Variants in LARP4B observed in about 807,000 individuals in gnomAD.
LARP4B encodes the protein La ribonucleoprotein 4B.
LARP4B carries 12 observed loss-of-function variants against 89.8 expected under a neutral mutation model. That is an observed-to-expected ratio of 0.13 (90% CI 0.09 to 0.22). The LOEUF (loss-of-function observed/expected upper bound fraction) is 0.22, where lower values mean the gene tolerates loss of function less well. LARP4B is among the 10% of genes least tolerant of loss of function. The pLI, the probability that LARP4B is intolerant of heterozygous loss-of-function variation, is 1.00. For missense variants in LARP4B, 757 were observed against 947.7 expected (o/e 0.80, Z 2.64); for synonymous variants, 367 against 363.3 (o/e 1.01, Z -0.12).
At chr10:895,158 C>A (rs1196556098) in intron 1 of LARP4B, among the ~76,000 whole-genome samples, 1 of 151,876 alleles carries the variant, frequency 6.6e-6, no homozygotes, top group Non-Finnish European at 1.5e-5. Flanking sequence ...TCCACTCCAG[C>A]CTGGGCAACA....
chr10:854,404 A>G (rs575385018), intron 5 of LARP4B, among the ~76,000 whole-genome samples: 1 of 152,302 alleles, frequency 6.6e-6, no homozygotes, highest in East Asian at 1.9e-4. Flanking sequence ...TATGAAATGT[A>G]TTTTTTAAAT....
chr10:987,953 G>C, the LARP4B span: 10 of 152,636 alleles, frequency 6.6e-5, no homozygotes, highest in African/African-American at 2.4e-4. Context: ...GCGAGGCCGG[G>C]GTAGGGGCGT....
chr10:934,491 A>T (rs1487008756), upstream of LARP4B, among the ~76,000 whole-genome samples: 2 of 152,128 alleles, frequency 1.3e-5, no homozygotes, highest in Non-Finnish European at 2.9e-5. Context: ...CCCTGTCTCA[A>T]AAAAAGAAAA....
intron 14 of LARP4B, chr10:819,215 C>T (rs1832215754): frequency 6.6e-6 from 1 of 152,206 alleles, no homozygotes; most frequent in African/African-American, 2.4e-5. Flanking sequence ...CACAGCTTTT[C>T]AGAAGATAAG....
chr10:889,715 T>C (rs187007529), intron 1 of LARP4B, among the ~76,000 whole-genome samples: 1 of 152,278 alleles, frequency 6.6e-6, no homozygotes, highest in Non-Finnish European at 1.5e-5. Context: ...TTTGGGAGGC[T>C]GAGGCGGGCG....
intron 5 of LARP4B, among the ~76,000 whole-genome samples, chr10:859,528 A>G (rs748934434): frequency 8.5e-5 from 13 of 152,198 alleles, no homozygotes; most frequent in Non-Finnish European, 1.8e-4. Context: ...ACTCCTGGGT[A>G]TTTACCCAAA....
intron 1 of LARP4B, among the ~76,000 whole-genome samples, chr10:918,676 A>C (rs1836893814): frequency 6.6e-6 from 1 of 151,640 alleles, no homozygotes; most frequent in African/African-American, 2.4e-5. Flanking sequence ...AAACTATAAG[A>C]ATCAGCCATT....
At chr10:845,988 A>G (rs1453652748) in intron 5 of LARP4B, among the ~76,000 whole-genome samples, 1 of 152,214 alleles carries the variant, frequency 6.6e-6, no homozygotes, top group East Asian at 1.9e-4. Context: ...GTGTTATACA[A>G]TGAGCTTAGT....
Position 921,681 on chromosome 10 carries a change from T to C in LARP4B, c.-40+9747A>G, listed in dbSNP as rs532112136. Among the ~76,000 whole-genome samples the C allele has an allele frequency of 3.3e-5, 5 of 152,322 alleles. No individual in the cohort carries two copies. The East Asian group carries it at 9.7e-4, about 29-fold the overall frequency. The stretch of plus-strand genomic sequence containing the variant: ...TACTCTTCACTGGAATTTCTCCAGG[T>C]CATGGAGATTTTTAAGTGCCTCAAT... On this transcript the variant is annotated intron_variant, in intron 1 of 17. Transcript: ENST00000316157.
At chr10:857,762 T>C (rs1227412773) in intron 5 of LARP4B, among the ~76,000 whole-genome samples, 1 of 152,202 alleles carries the variant, frequency 6.6e-6, no homozygotes, top group Non-Finnish European at 1.5e-5. Context: ...CAGTAAATGT[T>C]TTGTGGGAGG....
intron 1 of LARP4B, among the ~76,000 whole-genome samples, chr10:919,399 C>T (rs188526515): frequency 1.9e-4 from 29 of 152,210 alleles, no homozygotes; most frequent in Non-Finnish European, 4.1e-4. Context: ...TATAAAGTTC[C>T]CATTTTCTGT....
At chr10:902,483 T>C (rs1836370906) in intron 1 of LARP4B, among the ~76,000 whole-genome samples, 1 of 152,166 alleles carries the variant, frequency 6.6e-6, no homozygotes, top group African/African-American at 2.4e-5. Context: ...ATTAGGAGTA[T>C]CTTTTTAGGA....
chr10:818,886 T>C (rs1446537645), intron 14 of LARP4B: 2 of 152,224 alleles, frequency 1.3e-5, no homozygotes, highest in Admixed American at 1.3e-4. Flanking sequence ...CAGTAGATTC[T>C]AGAGAAAATA....
intron 3 of LARP4B, among the ~76,000 whole-genome samples, chr10:874,647 A>AAAT (rs1835386617): frequency 6.6e-6 from 1 of 152,200 alleles, no homozygotes; most frequent in African/African-American, 2.4e-5. Context: ...GTGAAAAACA[A>AAAT]AATAATTCTT....
chr10:892,168 C>T (rs1456804545), intron 1 of LARP4B, among the ~76,000 whole-genome samples: 1 of 152,248 alleles, frequency 6.6e-6, no homozygotes, highest in Non-Finnish European at 1.5e-5. Context: ...TTACACCACT[C>T]GCAGGCCTTA....
chr10:936,693 G>A (rs139503023), upstream of LARP4B, among the ~76,000 whole-genome samples: 173 of 152,258 alleles, frequency 1.1e-3, 3 homozygotes, highest in African/African-American at 4.0e-3. Flanking sequence ...TTGCACTCCA[G>A]TCTGGGCAAC....
chr10:818,891 A>G (rs529267823), intron 14 of LARP4B: 49 of 152,350 alleles, frequency 3.2e-4, no homozygotes, highest in African/African-American at 1.0e-3. Context: ...GATTCTAGAG[A>G]AAATATGTCA....
chr10:862,601 A>T (rs2131836114), intron 5 of LARP4B, among the ~76,000 whole-genome samples: 1 of 152,294 alleles, frequency 6.6e-6, no homozygotes, highest in Non-Finnish European at 1.5e-5. Flanking sequence ...TTTACTAAAA[A>T]TACAAAAAAT....
chr10:981,150 C>T, the LARP4B span, among the ~76,000 whole-genome samples: 5 of 152,230 alleles, frequency 3.3e-5, no homozygotes, highest in African/African-American at 1.2e-4. Context: ...ACAAGGGTGA[C>T]TTTTGATCCA....
Sources: gnomAD v4.1 joint callset for allele counts (sites outside exome capture counted in the v4.1 genomes callset) on GRCh38, gnomAD v4.1.1 for gene constraint, MANE v1.5 for transcripts, NCBI Gene and HGNC (gene_info 2026-07-23, HGNC 2026-07-21) for gene names.